The following PSG1 variants were observed in gnomAD, a reference collection of about 807,000 sequenced individuals.
The protein encoded by PSG1 is pregnancy specific beta-1-glycoprotein 1, also known as pregnancy-specific beta-1-glycoprotein 1.
Under a neutral mutation model 41.4 loss-of-function variants are expected in PSG1, and 60 were observed. The ratio of observed to expected loss-of-function variants is 1.45; its 90% CI spans 1.18 to 1.80. The LOEUF is 1.80. PSG1 is among the 40% of genes most tolerant of loss of function. The pLI, the probability that PSG1 is intolerant of heterozygous loss-of-function variation, is 0.00. For missense variants in PSG1, 806 were observed against 516.9 expected (o/e 1.56, Z -5.42); for synonymous variants, 256 against 192.9 (o/e 1.33, Z -2.71).
rs779846710 is a variant in PSG1 at position 42,868,336 on chromosome 19, T to G, written c.1008A>C (p.Arg336Ser). The change falls in exon 5 of 6, where the codon AGA (arginine) becomes AGC (serine). Residue 336 changes from arginine to serine, a missense_variant. Arg to Ser is a moderately radical substitution (Grantham distance 110). Transcript: ENST00000436291. ...GGTAATAGGTGAATGAAGGGTAAAT[T>G]CTGGGGAGGTCTGGACCATCTGGAG... is the stretch of plus-strand genomic sequence containing the variant. ...LNVLYGPDLPRIYPSFTYYRS... is the reference protein window; with the variant it reads ...LNVLYGPDLPSIYPSFTYYRS... The G allele has an allele frequency of 1.8e-5, 29 of 1,610,772 alleles. No individual in the cohort carries two copies. The highest frequency in any genetic ancestry group is 2.3e-5 in the Non-Finnish European group (27 of 1,178,166).
In PSG1 at chr19:42,866,864, A is replaced by G; in HGVS notation, c.*270T>C. The G allele has an allele frequency of 4.7e-6, 3 of 635,866 alleles. No individual in the cohort carries two copies. The highest frequency in any genetic ancestry group is 1.8e-5 in the South Asian group (1 of 55,440). 39.4% of individuals were successfully genotyped at this position (635,866 alleles called of 1,614,324 possible). On this transcript the variant is annotated 3_prime_UTR_variant, in exon 6 of 6. Transcript: ENST00000436291. ...AGTTAAGAGGGGGGAGAGCCTCATC[A>G]TGATGGGGAGTCTTGTTCTGACATC...
Position 42,867,122 on chromosome 19 carries a change from T to C in PSG1, c.*12A>G, listed in dbSNP as rs370297551. 3 of 771,914 alleles carry C rather than the reference T, an allele frequency of 3.9e-6. No homozygotes were observed. Among genetic ancestry groups the C allele is most frequent in the Non-Finnish European group, 7.2e-6 (3 of 417,504 alleles). The allele number at this position is 771,914 out of a possible 1,614,324, so 47.8% of individuals were successfully genotyped here. A position where few individuals can be genotyped will look rare whatever the true frequency, so the allele number is the denominator to read the frequency against. The stretch of plus-strand genomic sequence containing the variant: ...CCATGGGAGAAAATGGAATTGGAGG[T>C]ACTAGTAGAATTCAGGGAACTGTCC... On this transcript the variant is annotated 3_prime_UTR_variant, in exon 6 of 6. Coordinates refer to ENST00000436291, the MANE Select transcript of PSG1 (RefSeq NM_001184825.2).
intron 2 of PSG1, among the ~76,000 whole-genome samples, chr19:42,873,194 G>A (rs866341646): frequency 1.3e-5 from 2 of 151,700 alleles, no homozygotes; most frequent in Admixed American, 6.6e-5. Context: ...TACAGATAAA[G>A]TGCTCCTTAT....
intron 2 of PSG1, among the ~76,000 whole-genome samples, chr19:42,873,452 G>A (rs1971477689): frequency 6.6e-6 from 1 of 151,512 alleles, no homozygotes; most frequent in African/African-American, 2.4e-5. Context: ...AAATTTGTCA[G>A]GAGTTTAGAC....
rs1284411915 is a variant in PSG1 at position 42,879,631 on chromosome 19, A to G, written c.-50T>C. ...CTCTGTGGAGATAAGCCTAGGATCC[A>G]GAAACTCTCTGAGCACGGCTGTCAG... On this transcript the variant is annotated 5_prime_UTR_variant, in exon 1 of 6. Transcript: ENST00000436291. The G allele has an allele frequency of 1.9e-6, 3 of 1,603,186 alleles. No individual in the cohort carries two copies. The highest frequency in any genetic ancestry group is 2.6e-6 in the Non-Finnish European group (3 of 1,173,810).
At chr19:42,874,359 T>C (rs1971517513) in intron 2 of PSG1, among the ~76,000 whole-genome samples, 1 of 151,462 alleles carries the variant, frequency 6.6e-6, no homozygotes, top group Non-Finnish European at 1.5e-5. Context: ...AGGGTTTTTT[T>C]TTTCTGAGAC....
In PSG1 at chr19:42,868,188, T is replaced by G. The variant is rs1449961818; in HGVS notation, c.1156A>C (p.Thr386Pro). ...CAAACATAGAGCCCGCTATGCTTTG[T>G]AGTAATATGGCGGATAAAGAGCTTT... ...GQKLFIRHIT[T>P]KHSGLYVCSV... The change falls in exon 5 of 6, where the codon ACA becomes CCA. Residue 386 changes from threonine to proline, a missense_variant. Transcript: ENST00000436291. The G allele has an allele frequency of 1.2e-6, 2 of 1,612,388 alleles. No homozygotes were observed. Among genetic ancestry groups the G allele is most frequent in the South Asian group, 2.2e-5 (2 of 90,824 alleles).
At position 42,877,801 on chromosome 19, in the gene PSG1, G is replaced by A. The variant is rs1451961683; in HGVS notation, c.430+112C>T. The A allele has an allele frequency of 4.6e-5, 73 of 1,587,618 alleles. 3 individuals are homozygous for A. The highest frequency in any genetic ancestry group is 6.0e-5 in the Non-Finnish European group (69 of 1,157,840). ...CACTAAATGCCCAAATCCCAGCATG[G>A]GACATAACGCAGTGAGTGACACAGG... On this transcript the variant is annotated intron_variant, in intron 2 of 5. Transcript: ENST00000436291.
chr19:42,876,572 C>T (rs1181886701), intron 2 of PSG1, among the ~76,000 whole-genome samples: 1 of 151,364 alleles, frequency 6.6e-6, no homozygotes, highest in African/African-American at 2.4e-5. Context: ...GTGTCTCTCT[C>T]GCTGGGCCTG....
In PSG1 at chr19:42,868,086, C is replaced by T; in HGVS notation, c.1243+15G>A. 1 of 1,612,274 alleles carries T rather than the reference C, an allele frequency of 6.2e-7. No homozygotes were observed. The highest frequency in any genetic ancestry group is 1.1e-5 in the South Asian group (1 of 90,802). Reference sequence around the variant, plus strand: ...ACCTAAAACCCTATTGCCAACGATGCTGGGATCCACTTACCAGAGACTTCG... The same window carrying T: ...ACCTAAAACCCTATTGCCAACGATGTTGGGATCCACTTACCAGAGACTTCG... On this transcript the variant is annotated intron_variant, in intron 5 of 5. Transcript: ENST00000436291.
Position 42,872,178 on chromosome 19 carries a change from G to C in PSG1, c.431-133C>G, listed in dbSNP as rs191946218. ...TTAAAAGCCCATGGCAGGTGTGTGT[G>C]ATACAAGACAGATGCATGGCAATCT... On this transcript the variant is annotated intron_variant, in intron 2 of 5. Transcript: ENST00000436291. The C allele has an allele frequency of 7.4e-5, 98 of 1,315,542 alleles. 3 individuals carry two copies. In the South Asian group the frequency reaches 1.1e-3, roughly 14 times the overall value. 81.5% of individuals were successfully genotyped at this position (1,315,542 alleles called of 1,614,324 possible).
intron 3 of PSG1, chr19:42,870,083 G>A (rs568620473): frequency 6.6e-6 from 1 of 151,910 alleles, no homozygotes; most frequent in East Asian, 1.9e-4. Flanking sequence ...GGAGCTGGGA[G>A]TGGGTAGAAT....
intron 2 of PSG1, among the ~76,000 whole-genome samples, chr19:42,876,291 C>A (rs1165770610): frequency 1.3e-5 from 2 of 151,338 alleles, no homozygotes; most frequent in Admixed American, 1.3e-4. Context: ...ACTCCAGGGA[C>A]CAGGTGCCCC....
chr19:42,867,026 A>C lies in PSG1; in HGVS notation c.*108T>G, dbSNP rs1971160828. On this transcript the variant is annotated 3_prime_UTR_variant, in exon 6 of 6. Coordinates refer to ENST00000436291, the MANE Select transcript of PSG1 (RefSeq NM_001184825.2). ...TTCACGTACAAGGGTTTTCCCATGA[A>C]ATTTACATTGAGTTGTCCACCTCCA... The C allele has an allele frequency of 1.3e-6, 1 of 767,438 alleles. No individual in the cohort carries two copies. The highest frequency in any genetic ancestry group is 2.4e-6 in the Non-Finnish European group (1 of 417,486). The allele number at this position is 767,438 out of a possible 1,614,324, so 47.5% of individuals were successfully genotyped here.
intron 5 of PSG1, 90 bp downstream of exon 5, chr19:42,868,011 T>A: frequency 6.2e-7 from 1 of 1,609,886 alleles, no homozygotes; most frequent in Non-Finnish European, 8.5e-7. Context: ...GGACACAGGC[T>A]GGGAATACAA....
Position 42,868,296 on chromosome 19 carries a change from G to C in PSG1, c.1048C>G (p.Leu350Val). The C allele has an allele frequency of 1.2e-6, 2 of 1,612,168 alleles. No homozygotes were observed. Among genetic ancestry groups the C allele is most frequent in the Non-Finnish European group, 1.7e-6 (2 of 1,178,994 alleles). The change falls in exon 5 of 6, where the codon CTC becomes GTC. Residue 350 changes from leucine (L) to valine (V), a missense_variant. Coordinates refer to ENST00000436291, the MANE Select transcript of PSG1 (RefSeq NM_001184825.2). ...SFTYYRSGEVLYLSCSADSNP... is the reference protein window; with the variant it reads ...SFTYYRSGEVVYLSCSADSNP... ...GAGTCCGCAGAACAGGACAAGTAGA[G>C]GACTTCTCCTGAACGGTAATAGGTG...
rs767240715 is a variant in PSG1, at chr19:42,871,859, C to G, written c.617G>C (p.Gly206Ala). The part of the protein sequence containing the change: ...SETNRTLFLL[G>A]VTKYTAGPYE... ...GGGTCCTGCAGTATACTTTGTGACA[C>G]CCAATAGAAAGAGGGTCCTGTTGGT... is the stretch of plus-strand genomic sequence containing the variant. Residue 206 changes from glycine (G) to alanine (A), a missense_variant, in exon 3 of 6, where the codon GGT (glycine) becomes GCT (alanine). Coordinates refer to ENST00000436291, the MANE Select transcript of PSG1 (RefSeq NM_001184825.2). 6.2e-7 allele frequency: 1 copy of G among 1,612,360 alleles called. No individual in the cohort carries two copies. Among genetic ancestry groups the G allele is most frequent in the South Asian group, 1.1e-5 (1 of 90,832 alleles).
chr19:42,877,202 T>C (rs1170386950), intron 2 of PSG1, among the ~76,000 whole-genome samples: 2 of 151,630 alleles, frequency 1.3e-5, no homozygotes, highest in African/African-American at 4.8e-5. Context: ...ACCTGGTACA[T>C]CTTCTCTCTT....
chr19:42,870,810 A>C (rs940516892), intron 3 of PSG1, among the ~76,000 whole-genome samples: 2 of 151,606 alleles, frequency 1.3e-5, no homozygotes, highest in African/African-American at 4.8e-5. Context: ...GGGTATAATC[A>C]TTTGACTTTT....
Sources: gnomAD v4.1 joint callset for allele counts (sites outside exome capture counted in the v4.1 genomes callset) on GRCh38, gnomAD v4.1.1 for gene constraint, MANE v1.5 for transcripts, NCBI Gene and HGNC (gene_info 2026-07-23, HGNC 2026-07-21) for gene names.